Variants in CAMK1D observed in about 807,000 individuals in gnomAD.
CAMK1D encodes calcium/calmodulin dependent protein kinase ID, also known as calcium/calmodulin-dependent protein kinase type 1D.
A neutral mutation model predicts 47.7 loss-of-function variants in CAMK1D; 9 were observed. The observed-to-expected ratio is 0.19, with a 90% CI of 0.11 to 0.33. CAMK1D has a LOEUF of 0.33. Among genes scored for constraint, CAMK1D ranks in the 10% least tolerant of loss-of-function variants. CAMK1D has a pLI of 1.00. For missense variants in CAMK1D, 291 were observed against 488.7 expected (o/e 0.60, Z 3.81); for synonymous variants, 184 against 184.9 (o/e 0.99, Z 0.04).
At chr10:12,446,414 GACA>G (rs769095117) in intron 1 of CAMK1D, among the ~76,000 whole-genome samples, 21 of 152,166 alleles carry the variant, frequency 1.4e-4, no homozygotes, top group Non-Finnish European at 2.9e-4. Flanking sequence ...TAGCAGCGAG[GACA>G]ACAAGAGGTC....
At chr10:12,409,176 C>A (rs1839564276) in intron 1 of CAMK1D, among the ~76,000 whole-genome samples, 1 of 152,078 alleles carries the variant, frequency 6.6e-6, no homozygotes, top group African/African-American at 2.4e-5. Flanking sequence ...TTTTTACCTT[C>A]TCCATTCCTT....
chr10:12,569,983 T>G (rs1317748829), intron 2 of CAMK1D, among the ~76,000 whole-genome samples: 2 of 151,292 alleles, frequency 1.3e-5, no homozygotes, highest in Non-Finnish European at 2.9e-5. Flanking sequence ...AGGAGGATCA[T>G]GAGGTCAGGA....
intron 3 of CAMK1D, among the ~76,000 whole-genome samples, chr10:12,674,727 C>G (rs921336575): frequency 1.3e-5 from 2 of 149,068 alleles, no homozygotes; most frequent in African/African-American, 2.5e-5. Context: ...TCTCATCTGA[C>G]TTGACTTGTA....
intron 10 of CAMK1D, among the ~76,000 whole-genome samples, chr10:12,826,886 C>T (rs545845985): frequency 2.6e-5 from 4 of 152,350 alleles, no homozygotes; most frequent in South Asian, 2.1e-4. Flanking sequence ...CAGCAAAGCC[C>T]GTCGGGAGCA....
At chr10:12,608,620 A>T in intron 2 of CAMK1D, among the ~76,000 whole-genome samples, 1 of 152,254 alleles carries the variant, frequency 6.6e-6, no homozygotes, top group African/African-American at 2.4e-5. Flanking sequence ...GATGAGCAAG[A>T]TGTTTAAAGT....
intron 1 of CAMK1D, among the ~76,000 whole-genome samples, chr10:12,421,315 C>T (rs564938946): frequency 8.9e-4 from 136 of 152,172 alleles, no homozygotes; most frequent in African/African-American, 3.0e-3. Context: ...TTAATACCGG[C>T]GGTCACAGTG....
At chr10:12,630,777 G>A (rs1038755081) in intron 2 of CAMK1D, among the ~76,000 whole-genome samples, 2 of 151,868 alleles carry the variant, frequency 1.3e-5, no homozygotes, top group African/African-American at 2.4e-5. Context: ...CACGTCCTCC[G>A]TACCTCCCTT....
intron 1 of CAMK1D, among the ~76,000 whole-genome samples, chr10:12,350,120 G>C (rs1485713712): frequency 1.3e-5 from 2 of 152,074 alleles, no homozygotes; most frequent in Admixed American, 6.5e-5. Context: ...GGGAGGGGGA[G>C]GGGGCAGCGC....
At position 12,515,017 on chromosome 10, in the gene CAMK1D, A is replaced by ATT. The variant is rs61002392; in HGVS notation, c.93-38197_93-38196dup. ...AGGTGTGCACCACCACACCTGGCTA[A>ATT]TTTTTTTTTTTTATTTTTTATTTTT... On this transcript the variant is annotated intron_variant, in intron 1 of 10. Coordinates refer to ENST00000619168, the MANE Select transcript of CAMK1D (RefSeq NM_153498.4). Among the ~76,000 whole-genome samples, 835 of 147,482 alleles carry ATT rather than the reference A, an allele frequency of 5.7e-3. 13 individuals are homozygous for ATT. Among genetic ancestry groups the ATT allele is most frequent in the African/African-American group, 0.019 (769 of 40,162 alleles).
intron 3 of CAMK1D, among the ~76,000 whole-genome samples, chr10:12,718,970 A>G (rs932647545): frequency 3.3e-5 from 5 of 152,206 alleles, no homozygotes; most frequent in Admixed American, 6.5e-5. Flanking sequence ...TCTTTTGCAT[A>G]GACCCCACTC....
At chr10:12,365,644 T>C (rs919856806) in intron 1 of CAMK1D, among the ~76,000 whole-genome samples, 1 of 151,792 alleles carries the variant, frequency 6.6e-6, no homozygotes, top group Non-Finnish European at 1.5e-5. Flanking sequence ...TTCACCGTGT[T>C]AGCCAGGATG....
chr10:12,614,071 A>C (rs915654298), intron 2 of CAMK1D, among the ~76,000 whole-genome samples: 1 of 152,140 alleles, frequency 6.6e-6, no homozygotes, highest in Non-Finnish European at 1.5e-5. Flanking sequence ...GACAGGTAGG[A>C]TAGGGTGATG....
intron 6 of CAMK1D, among the ~76,000 whole-genome samples, chr10:12,813,518 T>A (rs1832684337): frequency 6.6e-6 from 1 of 152,186 alleles, no homozygotes; most frequent in Non-Finnish European, 1.5e-5. Flanking sequence ...CAATAACATT[T>A]ATGTGAAGAA....
chr10:12,682,550 G>T (rs1832484592), intron 3 of CAMK1D, among the ~76,000 whole-genome samples: 1 of 152,162 alleles, frequency 6.6e-6, no homozygotes, highest in South Asian at 2.1e-4. Flanking sequence ...AGCAAGATTT[G>T]CTGTGAATAT....
chr10:12,535,619 C>T (rs1835944793), intron 1 of CAMK1D, among the ~76,000 whole-genome samples: 1 of 152,214 alleles, frequency 6.6e-6, no homozygotes, highest in African/African-American at 2.4e-5. Flanking sequence ...GTCCTGTACT[C>T]TGCAAACATG....
At chr10:12,361,435 C>T (rs1379508013) in intron 1 of CAMK1D, among the ~76,000 whole-genome samples, 1 of 151,166 alleles carries the variant, frequency 6.6e-6, no homozygotes. Context: ...TTAGTAGAGA[C>T]GGGGTTTTAC....
At chr10:12,558,699 C>T (rs1250746598) in intron 2 of CAMK1D, among the ~76,000 whole-genome samples, 1 of 152,110 alleles carries the variant, frequency 6.6e-6, no homozygotes, top group Non-Finnish European at 1.5e-5. Context: ...CTGAGAGAAG[C>T]AAACCAGCTG....
intron 2 of CAMK1D, among the ~76,000 whole-genome samples, chr10:12,574,340 C>T (rs892130788): frequency 1.3e-5 from 2 of 151,346 alleles, no homozygotes; most frequent in South Asian, 2.1e-4. Flanking sequence ...CTTGTTCTGT[C>T]GCCTGGGCTG....
intron 1 of CAMK1D, among the ~76,000 whole-genome samples, chr10:12,459,109 C>T (rs542990432): frequency 1.4e-4 from 22 of 152,230 alleles, no homozygotes; most frequent in South Asian, 4.1e-4. Context: ...AAACTCCTGA[C>T]CTCAGGCGAT....
Sources: allele counts gnomAD v4.1 joint callset (sites outside exome capture counted in the v4.1 genomes callset), GRCh38; gene constraint gnomAD v4.1.1; transcripts MANE v1.5; gene names NCBI Gene and HGNC (gene_info 2026-07-23, HGNC 2026-07-21).